CCDC73: variants seen among roughly 807,000 people sequenced by gnomAD.
CCDC73 encodes coiled-coil domain containing 73.
Under a neutral mutation model 116.5 loss-of-function variants are expected in CCDC73, and 95 were observed. That is an observed-to-expected ratio of 0.82 (90% confidence interval 0.69 to 0.97). The LOEUF (loss-of-function observed/expected upper bound fraction) is 0.97. Ranked by LOEUF, CCDC73 falls within the 50% of genes least tolerant of loss-of-function variation. CCDC73 has a pLI of 0.00. For missense variants in CCDC73, 1,066 were observed against 1,206.8 expected (o/e 0.88, Z 1.73); for synonymous variants, 398 against 401.3 (o/e 0.99, Z 0.10).
At chr11:32,782,983 A>G (rs1187467632) in intron 1 of CCDC73, among the ~76,000 whole-genome samples, 3 of 152,156 alleles carry the variant, frequency 2.0e-5, no homozygotes, top group African/African-American at 7.2e-5. Flanking sequence ...AAGTCCCAGA[A>G]AGAGTGAACA....
At chr11:32,779,603 T>C (rs1173127144) in intron 1 of CCDC73, among the ~76,000 whole-genome samples, 1 of 151,034 alleles carries the variant, frequency 6.6e-6, no homozygotes, top group East Asian at 1.9e-4. Context: ...AAAAGGAGAG[T>C]TTGTGTCCTG....
At chr11:32,693,249 G>T (rs1856276855) in intron 6 of CCDC73, among the ~76,000 whole-genome samples, 2 of 152,216 alleles carry the variant, frequency 1.3e-5, no homozygotes, top group Non-Finnish European at 2.9e-5. Context: ...CTAAAGGAGG[G>T]AGGGAAGTTG....
intron 2 of CCDC73, among the ~76,000 whole-genome samples, chr11:32,738,729 C>T (rs1209023267): frequency 6.6e-6 from 1 of 152,032 alleles, no homozygotes; most frequent in African/African-American, 2.4e-5. Flanking sequence ...TCCATTTTTG[C>T]TTTGGTTCCT....
the CCDC73 span, among the ~76,000 whole-genome samples, chr11:32,811,468 T>G: frequency 3.1e-4 from 47 of 152,324 alleles, no homozygotes; most frequent in Admixed American, 3.0e-3. Flanking sequence ...AGTACTGTAT[T>G]GCATGCCATT....
chr11:32,806,370 C>T, the CCDC73 span, among the ~76,000 whole-genome samples: 6 of 152,088 alleles, frequency 3.9e-5, 1 homozygote, highest in South Asian at 4.1e-4. Context: ...CCTATCATCC[C>T]GCACTTTGGG....
chr11:32,736,222 C>T (rs956891029), intron 2 of CCDC73, among the ~76,000 whole-genome samples: 4 of 152,066 alleles, frequency 2.6e-5, no homozygotes, highest in African/African-American at 9.7e-5. Context: ...AGTGAACAGG[C>T]AACCTACAGA....
At chr11:32,662,291 A>C (rs1416207823) in intron 9 of CCDC73, among the ~76,000 whole-genome samples, 2 of 152,252 alleles carry the variant, frequency 1.3e-5, no homozygotes, top group East Asian at 1.9e-4. Context: ...ACTAGTTTAC[A>C]GTCCCACCAA....
chr11:32,658,051 AC>A (rs1014049587), intron 9 of CCDC73, among the ~76,000 whole-genome samples: 1 of 150,250 alleles, frequency 6.7e-6, no homozygotes, highest in Admixed American at 6.6e-5. Flanking sequence ...AGAAAAAAAA[AC>A]CCCACAGCTT....
At chr11:32,759,750 A>G (rs1031675460) in intron 2 of CCDC73, among the ~76,000 whole-genome samples, 5 of 152,198 alleles carry the variant, frequency 3.3e-5, no homozygotes, top group Non-Finnish European at 7.3e-5. Flanking sequence ...TTTCATAGGC[A>G]TCTATATAAT....
chr11:32,654,943 T>G lies in CCDC73; in HGVS notation c.675A>C (p.Ile225=). 1 of 1,602,576 alleles carries G rather than the reference T, an allele frequency of 6.2e-7. No homozygotes were observed. Among genetic ancestry groups the G allele is most frequent in the Non-Finnish European group, 8.5e-7 (1 of 1,176,888 alleles). Reference sequence around the variant, plus strand: ...TATATTGACATGTGACTTTGGACTTTATCAAGTCTGAGGCTGCTTTTTTTA... The same window carrying G: ...TATATTGACATGTGACTTTGGACTTGATCAAGTCTGAGGCTGCTTTTTTTA... ...KELKKAASDL[I]KSKVTCQYKM... The change falls in exon 10 of 18, where the codon ATA becomes ATC. Residue 225 remains isoleucine (I), a synonymous_variant. Coordinates refer to ENST00000335185, the MANE Select transcript of CCDC73 (RefSeq NM_001008391.4).
Position 32,614,788 on chromosome 11 carries a change from T to A in CCDC73, c.1530A>T (p.Lys510Asn), listed in dbSNP as rs891726508. 1.9e-6 allele frequency: 3 copies of A among 1,613,334 alleles called. No homozygotes were observed. In the African/African-American group the frequency reaches 4.0e-5, roughly 22 times the overall value. Residue 510 changes from lysine (K) to asparagine (N), a missense_variant, in exon 16 of 18, where the codon AAA becomes AAT. By Grantham distance (94) the Lys-to-Asn change is moderately conservative. Coordinates refer to ENST00000335185, the MANE Select transcript of CCDC73 (RefSeq NM_001008391.4). ...GQTSNVTDNR[K>N]SVTTEIKDKI... ...TGTCTTTTATTTCTGTAGTAACTGATTTTCTGTTGTCCGTAACATTCGAGG... is the reference window on the plus strand; with the variant it reads ...TGTCTTTTATTTCTGTAGTAACTGAATTTCTGTTGTCCGTAACATTCGAGG...
the CCDC73 span, among the ~76,000 whole-genome samples, chr11:32,812,670 CAAAAAAA>C: frequency 9.7e-6 from 1 of 103,088 alleles, no homozygotes; most frequent in Non-Finnish European, 2.0e-5. Context: ...ACTACATCTC[CAAAAAAA>C]AAAAAAAAAA....
intron 12 of CCDC73, among the ~76,000 whole-genome samples, chr11:32,646,852 T>A (rs1292272800): frequency 6.6e-6 from 1 of 152,210 alleles, no homozygotes; most frequent in Non-Finnish European, 1.5e-5. Context: ...TCCATCTTTT[T>A]GTCTTTTGGT....
At position 32,624,349 on chromosome 11, in the gene CCDC73, A is replaced by AAATAAAT. The variant is rs1565059307; in HGVS notation, c.1186-8221_1186-8220insATTTATT. ...ACTCCATCTCCAAATAAAAAATAAA[A>AAATAAAT]AAATAAATAAATAAATAAATTATAA... On this transcript the variant is annotated intron_variant, in intron 14 of 17. Transcript: ENST00000335185. 7.1e-3 allele frequency among the ~76,000 whole-genome samples: 1,077 copies of AAATAAAT among 151,524 alleles called. 17 individuals carry two copies. Among genetic ancestry groups the AAATAAAT allele is most frequent in the African/African-American group, 0.025 (1,038 of 41,310 alleles).
intron 6 of CCDC73, among the ~76,000 whole-genome samples, chr11:32,686,010 G>T (rs184891332): frequency 6.6e-6 from 1 of 151,840 alleles, no homozygotes; most frequent in South Asian, 2.1e-4. Context: ...GTGAGCCACC[G>T]CGCCAGGCCC....
At chr11:32,814,084 T>C in the CCDC73 span, among the ~76,000 whole-genome samples, 1 of 152,212 alleles carries the variant, frequency 6.6e-6, no homozygotes, top group African/African-American at 2.4e-5. Context: ...CCTCATAAAG[T>C]TTCTATGCCT....
intron 14 of CCDC73, among the ~76,000 whole-genome samples, chr11:32,631,856 ATAGG>A (rs1565061782): frequency 6.6e-6 from 1 of 152,044 alleles, no homozygotes; most frequent in Non-Finnish European, 1.5e-5. Flanking sequence ...CAATAGACAT[ATAGG>A]CAGGCAGGCA....
Position 32,614,251 on chromosome 11 carries a change from A to G in CCDC73, c.2067T>C (p.Cys689=). Residue 689 remains cysteine, a synonymous_variant, in exon 16 of 18, where the codon TGT becomes TGC. Coordinates refer to ENST00000335185, the MANE Select transcript of CCDC73 (RefSeq NM_001008391.4). ...GTTCAGATTTCTCTAAAGTATCATTACAGACTTGCAGAAAATCTGAAGTTT... is the reference window on the plus strand; with the variant it reads ...GTTCAGATTTCTCTAAAGTATCATTGCAGACTTGCAGAAAATCTGAAGTTT... ...SKQTSDFLQV[C]NDTLEKSELT... is the part of the protein sequence containing the mutation. 1 of 1,613,634 alleles carries G rather than the reference A, an allele frequency of 6.2e-7. No homozygotes were observed. Among genetic ancestry groups the G allele is most frequent in the Non-Finnish European group, 8.5e-7 (1 of 1,179,732 alleles).
At chr11:32,666,457 C>A (rs7130602) in intron 9 of CCDC73, among the ~76,000 whole-genome samples, 1 of 152,044 alleles carries the variant, frequency 6.6e-6, no homozygotes, top group Non-Finnish European at 1.5e-5. Flanking sequence ...GAATCGGCTA[C>A]TGAAGCTTGT....
Sources: gnomAD v4.1 joint callset for allele counts (sites outside exome capture counted in the v4.1 genomes callset) on GRCh38, gnomAD v4.1.1 for gene constraint, MANE v1.5 for transcripts, NCBI Gene and HGNC (gene_info 2026-07-23, HGNC 2026-07-21) for gene names.